The following TMEM245 variants were observed in gnomAD, a reference collection of about 807,000 sequenced individuals.
TMEM245 encodes transmembrane protein 245, also known as protein CG-2.
A neutral mutation model predicts 101.2 loss-of-function variants in TMEM245; 69 were observed. The ratio of observed to expected loss-of-function variants is 0.68; its 90% CI spans 0.56 to 0.83. TMEM245 has a LOEUF of 0.83. Ranked by LOEUF, TMEM245 falls within the 40% of genes least tolerant of loss-of-function variation. TMEM245 has a pLI of 0.00. For missense variants in TMEM245, 1,075 were observed against 1,092.8 expected, an observed-to-expected ratio of 0.98 and a Z score of 0.23; for synonymous variants, 537 against 449.8, an observed-to-expected ratio of 1.19 and a Z score of -2.45.
chr9:109,096,425 C>T (rs541263915), intron 3 of TMEM245, among the ~76,000 whole-genome samples: 130 of 152,256 alleles, frequency 8.5e-4, no homozygotes, highest in South Asian at 1.4e-3. Context: ...TGCAGTGAGC[C>T]GAGATCGTAT....
chr9:109,085,968 TA>T (rs1564198293), intron 7 of TMEM245, 28 bp downstream of exon 7: 1 of 1,612,834 alleles, frequency 6.2e-7, no homozygotes, highest in East Asian at 2.2e-5. Flanking sequence ...AATTCAATAG[TA>T]AAAACCAACA....
intron 9 of TMEM245, among the ~76,000 whole-genome samples, chr9:109,065,879 G>C (rs1439072754): frequency 1.3e-5 from 2 of 152,028 alleles, no homozygotes; most frequent in Non-Finnish European, 2.9e-5. Flanking sequence ...GGGTCAATTA[G>C]GTAAAGTCAA....
At chr9:109,073,232 C>A in intron 9 of TMEM245, 124 bp downstream of exon 9, 1 of 732,872 alleles carries the variant, frequency 1.4e-6, no homozygotes, top group Non-Finnish European at 2.3e-6. Flanking sequence ...CAATATTTAT[C>A]AAAGCTCTGG....
intron 14 of TMEM245, among the ~76,000 whole-genome samples, chr9:109,049,268 C>A (rs1030916171): frequency 6.6e-6 from 1 of 152,208 alleles, no homozygotes; most frequent in Non-Finnish European, 1.5e-5. Context: ...GGCTGCAGTG[C>A]AGTGGTGTGA....
chr9:109,017,688 C>T lies in TMEM245; in HGVS notation c.*2772G>A, dbSNP rs1022086071. On this transcript the variant is annotated 3_prime_UTR_variant, in exon 18 of 18. Transcript: ENST00000374586. The stretch of plus-strand genomic sequence containing the variant: ...ACTGAAATGACTTCTACTTCATCAA[C>T]GTACGGTCTGTTCCTGAAGAAACTT... The T allele has an allele frequency of 1.3e-5, 2 of 152,202 alleles. No individual in the cohort carries two copies. Among genetic ancestry groups the T allele is most frequent in the Non-Finnish European group, 2.9e-5 (2 of 68,032 alleles). 9.4% of individuals were successfully genotyped at this position (152,202 alleles called of 1,614,324 possible).
intron 8 of TMEM245, among the ~76,000 whole-genome samples, chr9:109,075,078 T>C (rs1418711637): frequency 2.0e-5 from 3 of 152,118 alleles, no homozygotes; most frequent in Non-Finnish European, 4.4e-5. Flanking sequence ...ACAGACTAAA[T>C]GAGGCTAAGG....
chr9:109,075,292 T>C (rs1829463821), intron 8 of TMEM245, among the ~76,000 whole-genome samples: 2 of 152,222 alleles, frequency 1.3e-5, no homozygotes, highest in South Asian at 4.1e-4. Context: ...TTAAGGATTT[T>C]TGTGTCTATT....
intron 7 of TMEM245, among the ~76,000 whole-genome samples, chr9:109,085,116 A>AT (rs1218162587): frequency 6.6e-6 from 1 of 152,114 alleles, no homozygotes; most frequent in Non-Finnish European, 1.5e-5. Context: ...TGAAATTATT[A>AT]TTTTTTTAAG....
chr9:109,075,349 CTT>C (rs1284010023), intron 8 of TMEM245, among the ~76,000 whole-genome samples: 2 of 152,118 alleles, frequency 1.3e-5, no homozygotes, highest in Non-Finnish European at 2.9e-5. Context: ...ATGCCTTTGA[CTT>C]TGGTATCTGG....
chr9:109,053,959 CTTATCTTTA>C (rs915526773), intron 12 of TMEM245, among the ~76,000 whole-genome samples: 12 of 152,290 alleles, frequency 7.9e-5, no homozygotes, highest in Non-Finnish European at 1.8e-4. Context: ...TCCAATCTTT[CTTATCTTTA>C]AAGGAAGGGA....
At chr9:109,021,817 CCCA>C (rs1827634154) in intron 17 of TMEM245, among the ~76,000 whole-genome samples, 1 of 151,942 alleles carries the variant, frequency 6.6e-6, no homozygotes, top group Non-Finnish European at 1.5e-5. Flanking sequence ...CCACCACCCC[CCCA>C]AAAAAAGCAA....
At chr9:109,070,229 T>C (rs1829289807) in intron 9 of TMEM245, among the ~76,000 whole-genome samples, 1 of 152,188 alleles carries the variant, frequency 6.6e-6, no homozygotes, top group African/African-American at 2.4e-5. Flanking sequence ...GCCCATTTTT[T>C]AACTTCACCC....
chr9:109,050,090 G>A (rs1260633461), intron 14 of TMEM245, among the ~76,000 whole-genome samples, 193 bp downstream of exon 14: 1 of 152,182 alleles, frequency 6.6e-6, no homozygotes, highest in Non-Finnish European at 1.5e-5. Context: ...ACTGTACCTG[G>A]CCTGAATCTT....
chr9:109,022,506 T>TCTATCTAC (rs1476565492), intron 17 of TMEM245, among the ~76,000 whole-genome samples: 147 of 149,622 alleles, frequency 9.8e-4, no homozygotes, highest in African/African-American at 3.4e-3. Context: ...TATCTATCTA[T>TCTATCTAC]CTCAAATCAG....
Position 109,033,433 on chromosome 9 carries a change from G to C in TMEM245, c.2468C>G (p.Ala823Gly). The change falls in exon 17 of 18, where the codon GCA (alanine) becomes GGA (glycine). Residue 823 changes from alanine to glycine, a missense_variant. Around this residue, in one of 2 missense-constraint regions of TMEM245, gnomAD observed 267 missense variants for 351.3 expected, o/e 0.76. Transcript: ENST00000374586. ...GGAYYLGLEG[A>G]IIGPILLCIL... ...GCAGAGAAGAATAGGACCGATGATT[G>C]CTCCTTCCAGGCCTAGGTAGTATGC... 1 of 1,614,040 alleles carries C rather than the reference G, an allele frequency of 6.2e-7. No homozygotes were observed.
intron 5 of TMEM245, among the ~76,000 whole-genome samples, chr9:109,087,795 A>T (rs1829884529): frequency 6.6e-6 from 1 of 152,210 alleles, no homozygotes; most frequent in African/African-American, 2.4e-5. Flanking sequence ...TGACCAGAAA[A>T]GTATAAGGTA....
intron 14 of TMEM245, among the ~76,000 whole-genome samples, chr9:109,049,984 G>T (rs567890256): frequency 1.2e-3 from 179 of 152,246 alleles, no homozygotes; most frequent in Non-Finnish European, 2.2e-3. Flanking sequence ...TAGAGACAGG[G>T]TCTCACTATG....
At chr9:109,091,220 C>A (rs925722964) in intron 4 of TMEM245, 65 bp from the exon 5 acceptor site, 18 of 1,405,612 alleles carry the variant, frequency 1.3e-5, no homozygotes, top group Admixed American at 2.0e-5. Flanking sequence ...GAATACAGAG[C>A]CACTCATTAG....
intron 14 of TMEM245, among the ~76,000 whole-genome samples, chr9:109,044,761 G>GT (rs1828427262): frequency 1.4e-5 from 2 of 143,356 alleles, no homozygotes; most frequent in African/African-American, 2.6e-5. Flanking sequence ...TTATCATTTT[G>GT]GTTTTTTTTT....
Sources: allele counts gnomAD v4.1 joint callset (sites outside exome capture counted in the v4.1 genomes callset), GRCh38; gene constraint gnomAD v4.1.1; regional missense constraint gnomAD v4.1.1; transcripts MANE v1.5; gene names NCBI Gene and HGNC (gene_info 2026-07-23, HGNC 2026-07-21).